Variants in LARGE1 observed in about 807,000 individuals in gnomAD.
LARGE1 encodes the protein LARGE xylosyl- and glucuronyltransferase 1, also known as xylosyl- and glucuronyltransferase LARGE1.
In LARGE1, 43 loss-of-function variants were observed where a neutral mutation model predicts 87.6. That is an observed-to-expected ratio of 0.49 (90% CI 0.38 to 0.63). The LOEUF is 0.63. Among genes scored for constraint, LARGE1 ranks in the 30% least tolerant of loss-of-function variants. The pLI is 0.00. For synonymous variants in LARGE1, 434 were observed against 394.6 expected, an observed-to-expected ratio of 1.10 and a Z score of -1.18; for missense variants, 802 against 1,000.2, an observed-to-expected ratio of 0.80 and a Z score of 2.67.
At chr22:33,375,294 T>C (rs931425848) in intron 9 of LARGE1, among the ~76,000 whole-genome samples, 1 of 152,210 alleles carries the variant, frequency 6.6e-6, no homozygotes, top group Non-Finnish European at 1.5e-5. Context: ...TCCAATTTTC[T>C]CTCTCCAAAG....
intron 5 of LARGE1, among the ~76,000 whole-genome samples, chr22:33,578,612 C>T (rs2078421710): frequency 6.6e-6 from 1 of 152,150 alleles, no homozygotes; most frequent in African/African-American, 2.4e-5. Flanking sequence ...ACCTTTATTA[C>T]TGTGTGTGAT....
At chr22:33,181,519 T>C (rs1207734618) in intron 11 of LARGE1, among the ~76,000 whole-genome samples, 3 of 148,878 alleles carry the variant, frequency 2.0e-5, no homozygotes, top group East Asian at 2.0e-4. Flanking sequence ...TGTTAGGCTA[T>C]TAGGCTACAT....
At chr22:33,874,093 A>G (rs1049451116) in intron 1 of LARGE1, among the ~76,000 whole-genome samples, 1 of 151,908 alleles carries the variant, frequency 6.6e-6, no homozygotes, top group African/African-American at 2.4e-5. Context: ...AAAATGGTAC[A>G]TTATTTCCAC....
At chr22:33,743,536 T>C (rs912874078) in intron 2 of LARGE1, among the ~76,000 whole-genome samples, 1 of 152,166 alleles carries the variant, frequency 6.6e-6, no homozygotes, top group Non-Finnish European at 1.5e-5. Context: ...CTCATCTCCA[T>C]TGCCACTACC....
chr22:33,071,043 C>G, the LARGE1 span, among the ~76,000 whole-genome samples: 1 of 152,128 alleles, frequency 6.6e-6, no homozygotes, highest in African/African-American at 2.4e-5. Context: ...AAAAAGCCAA[C>G]ATCAAATAAG....
intron 7 of LARGE1, among the ~76,000 whole-genome samples, chr22:33,408,351 C>T (rs28897126): frequency 0.061 from 9,206 of 152,134 alleles, 876 homozygotes; most frequent in African/African-American, 0.2. Flanking sequence ...TTATCTTTGG[C>T]TACAAAGATC....
chr22:33,437,502 A>G (rs2067313313), intron 6 of LARGE1, among the ~76,000 whole-genome samples: 1 of 152,210 alleles, frequency 6.6e-6, no homozygotes, highest in South Asian at 2.1e-4. Flanking sequence ...TTAATTTGTG[A>G]AAATGATGCT....
intron 2 of LARGE1, among the ~76,000 whole-genome samples, chr22:33,653,669 G>A (rs113839758): frequency 5.3e-5 from 8 of 152,318 alleles, no homozygotes; most frequent in African/African-American, 1.9e-4. Context: ...GGAGGCGCTT[G>A]GCATCAGTGA....
intron 1 of LARGE1, among the ~76,000 whole-genome samples, chr22:33,793,702 T>A (rs1226897260): frequency 2.6e-5 from 4 of 152,146 alleles, no homozygotes; most frequent in Non-Finnish European, 5.9e-5. Flanking sequence ...ATAGAACTTT[T>A]TCCAGCTCCT....
intron 5 of LARGE1, among the ~76,000 whole-genome samples, chr22:33,572,506 C>T (rs763482784): frequency 7.9e-5 from 12 of 152,176 alleles, no homozygotes; most frequent in Non-Finnish European, 1.3e-4. Flanking sequence ...GAAAACAATA[C>T]ACATTGCATG....
At chr22:33,163,585 AC>A (rs1922114135) in exon 12 of LARGE1, 1 of 152,160 alleles carries the variant, frequency 6.6e-6, no homozygotes, top group Non-Finnish European at 1.5e-5. Context: ...CTACCCCTTT[AC>A]CCTTAAACAG....
intron 2 of LARGE1, among the ~76,000 whole-genome samples, chr22:33,752,062 G>A (rs958012662): frequency 1.1e-4 from 16 of 152,146 alleles, no homozygotes; most frequent in Admixed American, 5.2e-4. Context: ...GATTACAGGC[G>A]TGAGCCACCA....
chr22:33,484,063 G>T (rs1008446003), intron 6 of LARGE1, among the ~76,000 whole-genome samples: 1 of 152,128 alleles, frequency 6.6e-6, no homozygotes, highest in Non-Finnish European at 1.5e-5. Context: ...TTATCTACCC[G>T]GGCTGTACAC....
chr22:33,573,297 G>C (rs912142227), intron 5 of LARGE1, among the ~76,000 whole-genome samples: 1 of 152,006 alleles, frequency 6.6e-6, no homozygotes, highest in Admixed American at 6.6e-5. Flanking sequence ...AAATTAGCCG[G>C]GCGTGGTGGT....
intron 11 of LARGE1, among the ~76,000 whole-genome samples, chr22:33,231,035 A>G (rs1242654866): frequency 6.6e-6 from 1 of 152,260 alleles, no homozygotes; most frequent in Non-Finnish European, 1.5e-5. Context: ...AAAAAGTCAC[A>G]TTTTAATAAC....
intron 9 of LARGE1, among the ~76,000 whole-genome samples, chr22:33,378,518 T>A (rs1193766063): frequency 6.6e-6 from 1 of 152,226 alleles, no homozygotes; most frequent in Non-Finnish European, 1.5e-5. Context: ...ATTATATGTT[T>A]TGCCTGTTGG....
Position 33,852,878 on chromosome 22 carries a change from AAG to A in LARGE1, c.-83+67115_-83+67116del, listed in dbSNP as rs57166235. On this transcript the variant is annotated intron_variant, in intron 1 of 14. Coordinates refer to ENST00000397394, the MANE Select transcript of LARGE1 (RefSeq NM_133642.5). The stretch of plus-strand genomic sequence containing the variant: ...CTCCAAAAAAAAAAAAAAAAAAAAA[AAG>A]AAAGAAAGAAAGAAAGAAAAGTGAT... 3.2e-3 allele frequency among the ~76,000 whole-genome samples: 134 copies of A among 41,308 alleles called. 1 individual carries two copies. Among genetic ancestry groups the A allele is most frequent in the African/African-American group, 0.016 (118 of 7,474 alleles). The allele number at this position is 41,308 out of a possible 152,430, so 27.1% of individuals were successfully genotyped here.
chr22:33,249,888 T>C (rs773342252), intron 11 of LARGE1, among the ~76,000 whole-genome samples: 1 of 152,222 alleles, frequency 6.6e-6, no homozygotes. Flanking sequence ...TTCTGTTCCA[T>C]TGATATAGTC....
At position 33,788,711 on chromosome 22, in the gene LARGE1, CT is replaced by C. The variant is rs538282323; in HGVS notation, c.-82-27154del. Among the ~76,000 whole-genome samples, 866 of 152,274 alleles carry C rather than the reference CT, an allele frequency of 5.7e-3. 9 individuals carry two copies. The highest frequency in any genetic ancestry group is 0.02 in the African/African-American group (816 of 41,546). ...CAAAAAGACTGGTGACATTTTGCCCCTGCCCTAGAGATTTGTAGAAACTTGA... is the reference window on the plus strand; with the variant it reads ...CAAAAAGACTGGTGACATTTTGCCCCGCCCTAGAGATTTGTAGAAACTTGA... On this transcript the variant is annotated intron_variant, in intron 1 of 14. Transcript: ENST00000397394.
Sources: gnomAD v4.1 joint callset for allele counts (sites outside exome capture counted in the v4.1 genomes callset) on GRCh38, gnomAD v4.1.1 for gene constraint, MANE v1.5 for transcripts, NCBI Gene and HGNC (gene_info 2026-07-23, HGNC 2026-07-21) for gene names.